Variants in TBC1D2B observed in about 807,000 individuals in gnomAD.
TBC1D2B encodes the protein TBC1 domain family, member 2B.
Under a neutral mutation model 100.8 loss-of-function variants are expected in TBC1D2B, and 64 were observed. That is an observed-to-expected ratio of 0.64 (90% CI 0.52 to 0.78). The LOEUF (loss-of-function observed/expected upper bound fraction) is 0.78, where lower values mean the gene tolerates loss of function less well. Ranked by LOEUF, TBC1D2B falls within the 30% of genes least tolerant of loss-of-function variation. The probability of loss-of-function intolerance (pLI) is 0.00; values close to 1 mark genes in which losing one functional copy is unlikely to be tolerated. For synonymous variants in TBC1D2B, 480 were observed against 479.7 expected, an observed-to-expected ratio of 1.00 and a Z score of -0.01; for missense variants, 1,052 against 1,218.4, an observed-to-expected ratio of 0.86 and a Z score of 2.03.
At position 78,050,051 on chromosome 15, in the gene TBC1D2B, T is replaced by A. The variant is rs1432245691; in HGVS notation, c.514+3983A>T. On this transcript the variant is annotated intron_variant, in intron 2 of 12. Coordinates refer to ENST00000300584, the MANE Select transcript of TBC1D2B (RefSeq NM_144572.2). ...TTGATCTCTGTATGGAATCACGACATTAAAGGATGATGTGTAATTCCTGTG... is the reference window on the plus strand; with the variant it reads ...TTGATCTCTGTATGGAATCACGACAATAAAGGATGATGTGTAATTCCTGTG... Among the ~76,000 whole-genome samples, 3 of 152,256 alleles carry A rather than the reference T, an allele frequency of 2.0e-5. No homozygotes were observed. The East Asian group carries it at 5.8e-4, about 29-fold the overall frequency.
chr15:78,052,979 C>T (rs552058418), intron 2 of TBC1D2B, among the ~76,000 whole-genome samples: 1 of 152,184 alleles, frequency 6.6e-6, no homozygotes, highest in Non-Finnish European at 1.5e-5. Context: ...AAAACTCTCA[C>T]AGAAAACATA....
At chr15:78,034,502 C>G (rs1220643234) in intron 3 of TBC1D2B, 1 of 985,292 alleles carries the variant, frequency 1.0e-6, no homozygotes, top group African/African-American at 1.7e-5. Flanking sequence ...AAACTGTGCT[C>G]CTCAGCTCTG....
chr15:78,007,672 C>T (rs1249286347), intron 10 of TBC1D2B, among the ~76,000 whole-genome samples: 1 of 152,232 alleles, frequency 6.6e-6, no homozygotes, highest in Non-Finnish European at 1.5e-5. Flanking sequence ...CAGGGGCTGG[C>T]CACACTGGTG....
chr15:78,058,563 G>A (rs931613146), intron 1 of TBC1D2B, among the ~76,000 whole-genome samples: 3 of 152,194 alleles, frequency 2.0e-5, no homozygotes, highest in Non-Finnish European at 4.4e-5. Context: ...CACAGACAAC[G>A]CCTTGCTAGG....
At chr15:78,075,604 C>T (rs547589544) in intron 1 of TBC1D2B, among the ~76,000 whole-genome samples, 8 of 152,266 alleles carry the variant, frequency 5.3e-5, no homozygotes, top group Non-Finnish European at 7.4e-5. Flanking sequence ...AGGGACAGCC[C>T]GTATGTACAC....
At chr15:78,000,959 G>A (rs1184548367) in intron 12 of TBC1D2B, among the ~76,000 whole-genome samples, 1 of 152,180 alleles carries the variant, frequency 6.6e-6, no homozygotes, top group African/African-American at 2.4e-5. Flanking sequence ...TGACCTGTCT[G>A]TCTCTTGCCT....
intron 1 of TBC1D2B, among the ~76,000 whole-genome samples, chr15:78,075,528 G>A (rs1347776797): frequency 1.3e-5 from 2 of 152,138 alleles, no homozygotes; most frequent in African/African-American, 4.8e-5. Context: ...CAGTCATCTG[G>A]GAAAAATGTG....
At chr15:78,055,398 T>C (rs778696671) in intron 1 of TBC1D2B, among the ~76,000 whole-genome samples, 1 of 150,958 alleles carries the variant, frequency 6.6e-6, no homozygotes, top group African/African-American at 2.4e-5. Context: ...TGGGTCAAGG[T>C]CTCCAGGCTG....
intron 2 of TBC1D2B, among the ~76,000 whole-genome samples, chr15:78,051,617 A>T (rs2073315656): frequency 6.6e-6 from 1 of 152,248 alleles, no homozygotes; most frequent in African/African-American, 2.4e-5. Flanking sequence ...ACTACAAATC[A>T]AAATGTTCCA....
chr15:78,009,542 TAAA>T (rs79836912), intron 9 of TBC1D2B, among the ~76,000 whole-genome samples: 1 of 142,120 alleles, frequency 7.0e-6, no homozygotes. Context: ...CTTGTCTCAT[TAAA>T]AAAAAAAAAG....
intron 2 of TBC1D2B, among the ~76,000 whole-genome samples, chr15:78,047,754 T>A (rs2073227816): frequency 6.6e-6 from 1 of 152,104 alleles, no homozygotes; most frequent in Non-Finnish European, 1.5e-5. Flanking sequence ...AGTATACAAA[T>A]ATTGCAAGGC....
intron 2 of TBC1D2B, 111 bp from the exon 3 acceptor site, chr15:78,045,179 A>G: frequency 1.0e-6 from 1 of 977,472 alleles, no homozygotes; most frequent in Non-Finnish European, 1.5e-6. Flanking sequence ...ACTATGTAAT[A>G]GTATATTTTT....
chr15:78,019,906 G>T lies in TBC1D2B; in HGVS notation c.1471-1949C>A, dbSNP rs548861388. On this transcript the variant is annotated intron_variant, in intron 6 of 12. Coordinates refer to ENST00000300584, the MANE Select transcript of TBC1D2B (RefSeq NM_144572.2). ...TCTGTATCAAAAAAAAAAAAAGGGG[G>T]GGGGAGACAGGGTCTCACTCTTGCC... Among the ~76,000 whole-genome samples, 69 of 151,776 alleles carry T rather than the reference G, an allele frequency of 4.5e-4. 2 individuals are homozygous for T. The East Asian group carries it at 0.012, about 27-fold the overall frequency.
Position 78,017,961 on chromosome 15 carries a change from T to G in TBC1D2B, c.1471-4A>C. ...TTTTGTACCCCTGTAGATTATCCTGTTAGAAAAAAAAAAAATCCCTGAATT... is the reference window on the plus strand; with the variant it reads ...TTTTGTACCCCTGTAGATTATCCTGGTAGAAAAAAAAAAAATCCCTGAATT... On this transcript the variant is annotated splice_polypyrimidine_tract_variant and splice_region_variant and intron_variant, in intron 6 of 12. Transcript: ENST00000300584. 6.6e-7 allele frequency: 1 copy of G among 1,509,914 alleles called. No individual in the cohort carries two copies. Among genetic ancestry groups the G allele is most frequent in the Non-Finnish European group, 9.0e-7 (1 of 1,108,392 alleles). 93.5% of individuals were successfully genotyped at this position (1,509,914 alleles called of 1,614,324 possible).
At chr15:78,015,861 A>G (rs191807698) in intron 8 of TBC1D2B, among the ~76,000 whole-genome samples, 1 of 152,314 alleles carries the variant, frequency 6.6e-6, no homozygotes, top group East Asian at 1.9e-4. Flanking sequence ...TAGCCCAAAC[A>G]ATGCAGGCTG....
chr15:78,015,823 CT>C (rs991451916), intron 8 of TBC1D2B, among the ~76,000 whole-genome samples: 3 of 152,242 alleles, frequency 2.0e-5, no homozygotes, highest in African/African-American at 7.2e-5. Flanking sequence ...GTGTTGGGTA[CT>C]TTCTGAGCAT....
At chr15:77,999,752 A>G (rs923060484) in intron 12 of TBC1D2B, among the ~76,000 whole-genome samples, 2 of 152,200 alleles carry the variant, frequency 1.3e-5, no homozygotes, top group African/African-American at 4.8e-5. Flanking sequence ...TTTGTTCCTC[A>G]GTCAGGAGCT....
At chr15:78,029,041 AAAG>A (rs2072741445) in intron 4 of TBC1D2B, among the ~76,000 whole-genome samples, 1 of 151,862 alleles carries the variant, frequency 6.6e-6, no homozygotes, top group South Asian at 2.1e-4. Flanking sequence ...TAAATATAAT[AAAG>A]AAGTTGTGGT....
chr15:78,076,251 C>T (rs982873684), intron 1 of TBC1D2B, among the ~76,000 whole-genome samples: 1 of 152,176 alleles, frequency 6.6e-6, no homozygotes, highest in Non-Finnish European at 1.5e-5. Flanking sequence ...TTTGTCTGTC[C>T]ACTGGAGGAT....
Sources: allele counts gnomAD v4.1 joint callset (sites outside exome capture counted in the v4.1 genomes callset), GRCh38; gene constraint gnomAD v4.1.1; transcripts MANE v1.5; gene names NCBI Gene and HGNC (gene_info 2026-07-23, HGNC 2026-07-21).